Variants in JCHAIN observed in about 807,000 individuals in gnomAD.
JCHAIN encodes joining chain of multimeric IgA and IgM.
Under a neutral mutation model 11.1 loss-of-function variants are expected in JCHAIN, and 5 were observed. The observed-to-expected ratio is 0.45, with a 90% confidence interval of 0.24 to 0.95. JCHAIN has a LOEUF of 0.95. Ranked by LOEUF, JCHAIN falls within the 40% of genes least tolerant of loss-of-function variation. The probability of loss-of-function intolerance (pLI) is 0.21; values close to 1 mark genes in which losing one functional copy is unlikely to be tolerated. For synonymous variants in JCHAIN, 51 were observed against 67.8 expected, an observed-to-expected ratio of 0.75 and a Z score of 1.22; for missense variants, 165 against 192.7, an observed-to-expected ratio of 0.86 and a Z score of 0.85.
At position 70,656,678 on chromosome 4, in the gene JCHAIN, T is replaced by A. The variant is rs1420679131; in HGVS notation, c.270-139A>T. The A allele has an allele frequency of 6.3e-6, 4 of 638,958 alleles. No individual in the cohort carries two copies. The African/African-American group carries it at 7.3e-5, about 12-fold the overall frequency. The allele number at this position is 638,958 out of a possible 1,614,324, so 39.6% of individuals were successfully genotyped here. ...ATGACTCCTTTCAGACATAAGCAGC[T>A]CTACAATACAGAATAGCTTATGGGA... On this transcript the variant is annotated intron_variant, in intron 3 of 3. Coordinates refer to ENST00000254801, the MANE Select transcript of JCHAIN (RefSeq NM_144646.4).
intron 1 of JCHAIN, among the ~76,000 whole-genome samples, chr4:70,665,411 T>C (rs1225951480): frequency 1.3e-5 from 2 of 152,188 alleles, no homozygotes; most frequent in East Asian, 3.8e-4. Flanking sequence ...CAGTAAGTGA[T>C]AGCTGTTTTA....
At chr4:70,658,736 T>A (rs1229919172) in intron 2 of JCHAIN, among the ~76,000 whole-genome samples, 1 of 152,130 alleles carries the variant, frequency 6.6e-6, no homozygotes, top group Non-Finnish European at 1.5e-5. Context: ...ATCCCACCAC[T>A]TATTCCAAGC....
intron 2 of JCHAIN, among the ~76,000 whole-genome samples, chr4:70,660,834 G>T (rs1739040607): frequency 6.6e-6 from 1 of 152,120 alleles, no homozygotes; most frequent in Admixed American, 6.6e-5. Flanking sequence ...TTTTAAGCAG[G>T]ATGGTGACAA....
chr4:70,662,952 T>G (rs1739090130), intron 1 of JCHAIN, among the ~76,000 whole-genome samples: 1 of 149,378 alleles, frequency 6.7e-6, no homozygotes, highest in African/African-American at 2.5e-5. Context: ...GAGTGAGACT[T>G]CATCTCAAAA....
In JCHAIN at chr4:70,662,160, AATCCGGGC is replaced by A; in HGVS notation, c.112_119del (p.Ala38TyrfsTer12). On this transcript the variant is annotated frameshift_variant, in exon 2 of 4. Transcript: ENST00000254801. LOFTEE classifies it high-confidence loss of function. Reference sequence around the variant, plus strand: ...CGGAAGAACGGATGATCCTGGAAGTAATCCGGGCACACTTACATTTGTTGTCAACAAGA... The same window carrying A: ...CGGAAGAACGGATGATCCTGGAAGTAACACTTACATTTGTTGTCAACAAGA... 1 of 1,612,384 alleles carries A rather than the reference AATCCGGGC, an allele frequency of 6.2e-7. No individual in the cohort carries two copies. The highest frequency in any genetic ancestry group is 8.5e-7 in the Non-Finnish European group (1 of 1,178,378).
In JCHAIN at chr4:70,661,003, G is replaced by C. The variant is rs528272482; in HGVS notation, c.188+1089C>G. 2.0e-5 allele frequency among the ~76,000 whole-genome samples: 3 copies of C among 152,266 alleles called. No individual in the cohort carries two copies. The South Asian group carries it at 6.2e-4, about 32-fold the overall frequency. On this transcript the variant is annotated intron_variant, in intron 2 of 3. Transcript: ENST00000254801. ...CTCATTTAAAGATGAAAAAGTTGAA[G>C]TTCAAAGTAGATTAGTAACTTGCAT...
intron 1 of JCHAIN, among the ~76,000 whole-genome samples, chr4:70,663,706 A>G (rs572173509): frequency 1.3e-4 from 19 of 151,436 alleles, no homozygotes; most frequent in African/African-American, 3.9e-4. Context: ...GATTACAGGC[A>G]TGTGCCACCA....
chr4:70,656,901 T>C (rs531874726), intron 3 of JCHAIN, among the ~76,000 whole-genome samples: 1 of 152,310 alleles, frequency 6.6e-6, no homozygotes, highest in East Asian at 1.9e-4. Flanking sequence ...GTCTGTCATT[T>C]CCAAAGAAAC....
chr4:70,662,125 T>C lies in JCHAIN; in HGVS notation c.155A>G (p.Asn52Ser), dbSNP rs768895707. ...GATGTTTCTCTCCACAATGTCCTCA[T>C]TAGGATCTTCGGAAGAACGGATGAT... ...SRIIRSSEDP[N>S]EDIVERNIRI... The change falls in exon 2 of 4, where the codon AAT becomes AGT. Residue 52 changes from asparagine (N) to serine (S), a missense_variant. Physicochemically the swap from Asn to Ser is conservative, Grantham distance 46. Transcript: ENST00000254801. 11 of 1,613,694 alleles carry C rather than the reference T, an allele frequency of 6.8e-6. No homozygotes were observed. The highest frequency in any genetic ancestry group is 9.3e-6 in the Non-Finnish European group (11 of 1,179,600).
rs576304035 is a variant in JCHAIN, at chr4:70,657,430, G to A, written c.189-139C>T. 1.1e-4 allele frequency: 43 copies of A among 397,986 alleles called. No individual in the cohort carries two copies. In the Middle Eastern group the frequency reaches 1.9e-3, roughly 18 times the overall value. The allele number at this position is 397,986 out of a possible 1,614,324, so 24.7% of individuals were successfully genotyped here. On this transcript the variant is annotated intron_variant, in intron 2 of 3. Transcript: ENST00000254801. ...TCTATAAGCACTCTAGAGTAATACC[G>A]TTACTCAGATTTTTATAGTAACTTG... is the stretch of plus-strand genomic sequence containing the variant.
chr4:70,661,277 A>G (rs1361447726), intron 2 of JCHAIN, among the ~76,000 whole-genome samples: 6 of 152,234 alleles, frequency 3.9e-5, no homozygotes, highest in African/African-American at 1.4e-4. Flanking sequence ...TGTATAGCAT[A>G]TAACTCTGGA....
chr4:70,665,877 A>C (rs2148529713), intron 1 of JCHAIN: 1 of 335,614 alleles, frequency 3.0e-6, no homozygotes, highest in South Asian at 2.4e-5. Flanking sequence ...TTCAGAATGT[A>C]TTCCATTTTC....
Position 70,656,381 on chromosome 4 carries a change from T to C in JCHAIN, c.428A>G (p.Glu143Gly), listed in dbSNP as rs201356678. 12 of 1,614,116 alleles carry C rather than the reference T, an allele frequency of 7.4e-6. No individual in the cohort carries two copies. In the East Asian group the frequency reaches 2.5e-4, roughly 33 times the overall value. The change falls in exon 4 of 4, where the codon GAG becomes GGG. Residue 143 changes from glutamate to glycine, a missense_variant. Transcript: ENST00000254801. The part of the protein sequence containing the change: ...TAVVPLVYGG[E>G]TKMVETALTP... ...TAAGGCTGTTTCCACCATTTTGGTC[T>C]CACCACCATATACGAGTGGGACCAC...
chr4:70,664,771 T>C (rs1459387673), intron 1 of JCHAIN, among the ~76,000 whole-genome samples: 2 of 152,208 alleles, frequency 1.3e-5, no homozygotes, highest in Non-Finnish European at 2.9e-5. Flanking sequence ...AAATATAGAT[T>C]GTTGAGGAGT....
At chr4:70,662,303 G>GA (rs368255545) in intron 1 of JCHAIN, 88 bp from the exon 2 acceptor site, 23,834 of 1,197,018 alleles carry the variant, frequency 0.02, 330 homozygotes, top group South Asian at 0.032. Context: ...CTTGCCTGCA[G>GA]AAAAATAGTT....
chr4:70,656,271 T>A lies in JCHAIN; in HGVS notation c.*58A>T, dbSNP rs1738949555. 1 of 1,239,446 alleles carries A rather than the reference T, an allele frequency of 8.1e-7. No individual in the cohort carries two copies. The highest frequency in any genetic ancestry group is 1.5e-5 in the African/African-American group (1 of 66,518). The allele number at this position is 1,239,446 out of a possible 1,614,324, so 76.8% of individuals were successfully genotyped here. On this transcript the variant is annotated 3_prime_UTR_variant, in exon 4 of 4. Coordinates refer to ENST00000254801, the MANE Select transcript of JCHAIN (RefSeq NM_144646.4). ...ATTGGTAATAAATATGCTAACTTTC[T>A]GAATCAAAATGGAGAGCCTCTCAAG...
intron 1 of JCHAIN, among the ~76,000 whole-genome samples, chr4:70,665,692 G>A (rs1361442897): frequency 6.6e-6 from 1 of 151,688 alleles, no homozygotes; most frequent in Non-Finnish European, 1.5e-5. Flanking sequence ...TAAATCATTA[G>A]AAAGTTATTC....
chr4:70,657,748 A>G (rs1029579706), intron 2 of JCHAIN, among the ~76,000 whole-genome samples: 3 of 152,142 alleles, frequency 2.0e-5, no homozygotes, highest in African/African-American at 7.2e-5. Flanking sequence ...ATGTATTCCC[A>G]GTGCCTAGCT....
At chr4:70,665,233 A>G (rs1739129233) in intron 1 of JCHAIN, among the ~76,000 whole-genome samples, 1 of 151,990 alleles carries the variant, frequency 6.6e-6, no homozygotes, top group East Asian at 1.9e-4. Flanking sequence ...TTCTGCTTAC[A>G]CTCTTGCTTG....
Sources: gnomAD v4.1 joint callset for allele counts (sites outside exome capture counted in the v4.1 genomes callset) on GRCh38, gnomAD v4.1.1 for gene constraint, MANE v1.5 for transcripts, NCBI Gene and HGNC (gene_info 2026-07-23, HGNC 2026-07-21) for gene names.